INO80: variants seen among roughly 807,000 people sequenced by gnomAD.
INO80 encodes the protein chromatin-remodeling ATPase INO80.
In INO80, 20 loss-of-function variants were observed where a neutral mutation model predicts 203.4. That is an observed-to-expected ratio of 0.10 (90% CI 0.07 to 0.14). The LOEUF (loss-of-function observed/expected upper bound fraction) is 0.14. Ranked by LOEUF, INO80 falls within the 10% of genes least tolerant of loss-of-function variation. The pLI, the probability that INO80 is intolerant of heterozygous loss-of-function variation, is 1.00. For missense variants in INO80, 1,419 were observed against 1,914.4 expected, an observed-to-expected ratio of 0.74 and a Z score of 4.83; for synonymous variants, 726 against 685.2, an observed-to-expected ratio of 1.06 and a Z score of -0.93.
In INO80 at chr15:41,014,922, C is replaced by T. The variant is rs112920344; in HGVS notation, c.3402+1166G>A. ...CAGTACAATTTCCACTTACTTATTA[C>T]GATTCCCTGGTGTAGCAGGGCGAGG... On this transcript the variant is annotated intron_variant, in intron 27 of 35. Coordinates refer to ENST00000648947, the MANE Select transcript of INO80 (RefSeq NM_017553.3). Among the ~76,000 whole-genome samples the T allele has an allele frequency of 2.5e-3, 385 of 152,278 alleles. 1 individual carries two copies. The highest frequency in any genetic ancestry group is 8.6e-3 in the African/African-American group (358 of 41,534).
intron 14 of INO80, among the ~76,000 whole-genome samples, chr15:41,065,884 T>C (rs575380388): frequency 6.6e-6 from 1 of 152,082 alleles, no homozygotes; most frequent in East Asian, 1.9e-4. Flanking sequence ...CGTGATTGCT[T>C]AGTGGGTAAA....
At chr15:40,982,693 G>A (rs1186215327) in intron 35 of INO80, among the ~76,000 whole-genome samples, 169 bp downstream of exon 35, 1 of 152,222 alleles carries the variant, frequency 6.6e-6, no homozygotes, top group Non-Finnish European at 1.5e-5. Flanking sequence ...ACCGTCAGGA[G>A]GGCAAGGGGT....
chr15:41,047,617 TG>T, intron 22 of INO80, 116 bp from the exon 23 acceptor site: 1 of 681,910 alleles, frequency 1.5e-6, no homozygotes, highest in South Asian at 1.9e-5. Flanking sequence ...CTAAAGGTTC[TG>T]ATCTAGCCAC....
chr15:41,085,984 C>T (rs566345720), intron 6 of INO80, among the ~76,000 whole-genome samples: 2 of 152,202 alleles, frequency 1.3e-5, no homozygotes, highest in East Asian at 1.9e-4. Context: ...TTCAGCCTCC[C>T]GAGTAGCTGG....
chr15:41,081,115 T>C lies in INO80; in HGVS notation c.874-42A>G, dbSNP rs373960459. The C allele has an allele frequency of 3.2e-6, 4 of 1,260,332 alleles. No homozygotes were observed. In the Admixed American group the frequency reaches 5.1e-5, roughly 16 times the overall value. 78.1% of individuals were successfully genotyped at this position (1,260,332 alleles called of 1,614,324 possible). A position where few individuals can be genotyped will look rare whatever the true frequency, so the allele number is the denominator to read the frequency against. ...ACAATATTTCATTTAGGATTCATTT[T>C]TGAACTAAGACTATGTAGAATGAAC... On this transcript the variant is annotated intron_variant, in intron 7 of 35. Transcript: ENST00000648947.
In INO80 at chr15:40,979,272, CT is replaced by C. The variant is rs1893721705; in HGVS notation, c.*950del. On this transcript the variant is annotated 3_prime_UTR_variant, in exon 36 of 36. Coordinates refer to ENST00000648947, the MANE Select transcript of INO80 (RefSeq NM_017553.3). ...CCATGCAAACACTGCCCCTCTGTCTCTACTGGAGGGCAGCAAGCTCAGGCTG... is the reference window on the plus strand; with the variant it reads ...CCATGCAAACACTGCCCCTCTGTCTCACTGGAGGGCAGCAAGCTCAGGCTG... The C allele has an allele frequency of 6.5e-6, 1 of 152,706 alleles. No individual in the cohort carries two copies. Among genetic ancestry groups the C allele is most frequent in the Non-Finnish European group, 1.5e-5 (1 of 68,088 alleles). 9.5% of individuals were successfully genotyped at this position (152,706 alleles called of 1,614,324 possible). A position where few individuals can be genotyped will look rare whatever the true frequency, so the allele number is the denominator to read the frequency against.
rs376409581 is a variant in INO80, at chr15:41,089,183, C to T, written c.538-1501G>A. Among the ~76,000 whole-genome samples the T allele has an allele frequency of 3.9e-5, 6 of 151,950 alleles. No homozygotes were observed. The East Asian group carries it at 9.6e-4, about 24-fold the overall frequency. ...TCAGTCTGGGTAACAGAGCCTCCAT[C>T]TCAAAAAATAAAACAAAAATAAATA... On this transcript the variant is annotated intron_variant, in intron 5 of 35. Coordinates refer to ENST00000648947, the MANE Select transcript of INO80 (RefSeq NM_017553.3).
chr15:41,070,451 G>A lies in INO80; in HGVS notation c.1686+16C>T, dbSNP rs779102573. The A allele has an allele frequency of 6.9e-6, 11 of 1,603,632 alleles. No individual in the cohort carries two copies. Among genetic ancestry groups the A allele is most frequent in the Non-Finnish European group, 9.4e-6 (11 of 1,170,794 alleles). On this transcript the variant is annotated intron_variant, in intron 13 of 35. Transcript: ENST00000648947. ...AATTCTAGAGAAATGAAGATAGAAA[G>A]ATTGCATCTACCCACCTCAGCCAGA... is the stretch of plus-strand genomic sequence containing the variant.
intron 27 of INO80, among the ~76,000 whole-genome samples, chr15:41,006,579 T>C (rs1354578647): frequency 6.6e-6 from 1 of 152,222 alleles, no homozygotes; most frequent in Admixed American, 6.5e-5. Flanking sequence ...ACTGCAATAT[T>C]TTCATATGTA....
rs563514560 is a variant in INO80, at chr15:41,104,201, C to T, written c.-43-7848G>A. ...AGCCTGGGCAATGAGAGCAAAACTCCATCTCAAAAAAAAAAAAAAAAAAAA... is the reference window on the plus strand; with the variant it reads ...AGCCTGGGCAATGAGAGCAAAACTCTATCTCAAAAAAAAAAAAAAAAAAAA... On this transcript the variant is annotated intron_variant, in intron 1 of 35. Transcript: ENST00000648947. Among the ~76,000 whole-genome samples the T allele has an allele frequency of 2.5e-4, 21 of 83,240 alleles. No individual in the cohort carries two copies. The Admixed American group carries it at 2.8e-3, about 11-fold the overall frequency. 54.6% of individuals were successfully genotyped at this position (83,240 alleles called of 152,430 possible).
At chr15:41,111,605 C>G (rs138694551) in intron 1 of INO80, among the ~76,000 whole-genome samples, 87 of 152,032 alleles carry the variant, frequency 5.7e-4, no homozygotes, top group African/African-American at 2.0e-3. Flanking sequence ...GAGTTTGAAA[C>G]CAGCCTAGCT....
chr15:41,031,534 GGGAGGAAGGGA>G (rs2044464236), intron 24 of INO80, among the ~76,000 whole-genome samples: 1 of 27,672 alleles, frequency 3.6e-5, no homozygotes, highest in Non-Finnish European at 9.6e-5. Flanking sequence ...GGAAGGAGAA[GGGAGGAAGGGA>G]GGAGGGAGGA....
intron 28 of INO80, among the ~76,000 whole-genome samples, chr15:41,001,334 G>A (rs568590596): frequency 2.7e-5 from 4 of 150,234 alleles, no homozygotes; most frequent in South Asian, 2.1e-4. Context: ...TGTAGGTCTC[G>A]CTCTCACTCT....
At chr15:41,042,674 A>C (rs971688209) in intron 24 of INO80, among the ~76,000 whole-genome samples, 5 of 151,342 alleles carry the variant, frequency 3.3e-5, no homozygotes, top group African/African-American at 1.2e-4. Flanking sequence ...GGGTTTCACT[A>C]CGTTGGCCAG....
chr15:40,994,961 T>C (rs758756689), intron 29 of INO80, among the ~76,000 whole-genome samples: 12 of 152,130 alleles, frequency 7.9e-5, no homozygotes, highest in Non-Finnish European at 1.6e-4. Flanking sequence ...GTTCAAGTGA[T>C]TCTCCTGCCT....
chr15:41,061,475 T>G (rs1240810854), intron 14 of INO80, among the ~76,000 whole-genome samples: 1 of 119,312 alleles, frequency 8.4e-6, no homozygotes, highest in African/African-American at 4.2e-5. Flanking sequence ...AAAAAAAAAT[T>G]AGCCAGGAGT....
At chr15:41,042,964 CACT>C (rs1306737746) in intron 24 of INO80, among the ~76,000 whole-genome samples, 3 of 152,144 alleles carry the variant, frequency 2.0e-5, no homozygotes, top group Non-Finnish European at 2.9e-5. Flanking sequence ...TACTCTAAAC[CACT>C]ACAAGAGCAA....
Position 41,091,558 on chromosome 15 carries a change from C to G in INO80, c.537+469G>C, listed in dbSNP as rs528322011. Among the ~76,000 whole-genome samples the G allele has an allele frequency of 2.0e-5, 3 of 152,094 alleles. No individual in the cohort carries two copies. The South Asian group carries it at 6.2e-4, about 32-fold the overall frequency. ...TGCCCAGGCCCAGTGTGTCTTGTTC[C>G]CCTTCCTGTGTCCATGTGTTCTCAT... On this transcript the variant is annotated intron_variant, in intron 5 of 35. Coordinates refer to ENST00000648947, the MANE Select transcript of INO80 (RefSeq NM_017553.3).
chr15:41,052,317 A>G (rs904284504), intron 19 of INO80, among the ~76,000 whole-genome samples: 3 of 151,986 alleles, frequency 2.0e-5, no homozygotes, highest in African/African-American at 7.3e-5. Flanking sequence ...AGATTTTGAG[A>G]AAAAAAGACT....
Sources: allele counts gnomAD v4.1 joint callset (sites outside exome capture counted in the v4.1 genomes callset), GRCh38; gene constraint gnomAD v4.1.1; transcripts MANE v1.5; gene names NCBI Gene and HGNC (gene_info 2026-07-23, HGNC 2026-07-21).